Variants in CDC20B observed in about 807,000 individuals in gnomAD.
The protein encoded by CDC20B is cell division cycle protein 20 homolog B.
A neutral mutation model predicts 64.1 loss-of-function variants in CDC20B; 58 were observed. The observed-to-expected ratio is 0.90, with a 90% CI of 0.73 to 1.13. CDC20B has a LOEUF of 1.13. CDC20B is among the 50% of genes most tolerant of loss of function. The pLI is 0.00. For missense variants in CDC20B, 597 were observed against 633.0 expected, an observed-to-expected ratio of 0.94 and a Z score of 0.61; for synonymous variants, 243 against 230.6, an observed-to-expected ratio of 1.05 and a Z score of -0.49.
chr5:55,166,643 T>A (rs1744403970), intron 2 of CDC20B: 1 of 152,208 alleles, frequency 6.6e-6, no homozygotes, highest in African/African-American at 2.4e-5. Context: ...TTTCCTATAT[T>A]GGACAATCTT....
In CDC20B at chr5:55,146,503, G is replaced by C. The variant is rs1002598463; in HGVS notation, c.355+125C>G. 7 of 650,876 alleles carry C rather than the reference G, an allele frequency of 1.1e-5. No homozygotes were observed. In the East Asian group the frequency reaches 2.0e-4, roughly 18 times the overall value. The allele number at this position is 650,876 out of a possible 1,614,324, so 40.3% of individuals were successfully genotyped here. A position where few individuals can be genotyped will look rare whatever the true frequency, so the allele number is the denominator to read the frequency against. On this transcript the variant is annotated intron_variant, in intron 3 of 11. Transcript: ENST00000381375. ...CCACCTTGGAAATTTCTTATTCAAA[G>C]GGAGAAAAAGAGAAAAGAGTTGACT...
At chr5:55,119,616 T>A (rs1742708159) in intron 11 of CDC20B, among the ~76,000 whole-genome samples, 185 bp downstream of exon 11, 1 of 152,198 alleles carries the variant, frequency 6.6e-6, no homozygotes. Context: ...ATGAACAATC[T>A]TAGGCAAATT....
rs925510058 is a variant in CDC20B, at chr5:55,118,886, G to A, written c.1459+915C>T. ...AATATTCTCAGAATCTCCAAAGAGA[G>A]TCATGGTATTATCACTACCTAACAT... On this transcript the variant is annotated intron_variant, in intron 11 of 11. Transcript: ENST00000381375. Among the ~76,000 whole-genome samples the A allele has an allele frequency of 3.9e-5, 6 of 152,296 alleles. No individual in the cohort carries two copies. In the East Asian group the frequency reaches 1.2e-3, roughly 29 times the overall value.
intron 2 of CDC20B, among the ~76,000 whole-genome samples, chr5:55,158,941 G>A (rs1743901232): frequency 6.6e-6 from 1 of 152,034 alleles, no homozygotes; most frequent in Non-Finnish European, 1.5e-5. Context: ...TTGTTTTCAG[G>A]GATTTTTTTT....
chr5:55,153,837 T>C (rs1743740147), intron 2 of CDC20B, among the ~76,000 whole-genome samples: 1 of 152,176 alleles, frequency 6.6e-6, no homozygotes, highest in African/African-American at 2.4e-5. Flanking sequence ...TTTTTCTTCA[T>C]TGCACAGGCA....
chr5:55,140,969 A>G (rs1414904337), intron 4 of CDC20B, among the ~76,000 whole-genome samples: 1 of 152,254 alleles, frequency 6.6e-6, no homozygotes. Context: ...CTAAAAACAT[A>G]GTGATAAATG....
intron 2 of CDC20B, among the ~76,000 whole-genome samples, chr5:55,159,088 C>T (rs1743907144): frequency 6.6e-6 from 1 of 152,196 alleles, no homozygotes; most frequent in African/African-American, 2.4e-5. Flanking sequence ...ACAAACACGA[C>T]TCACTGCAGC....
At chr5:55,167,894 C>T (rs336114) in intron 2 of CDC20B, among the ~76,000 whole-genome samples, 33,857 of 151,590 alleles carry the variant, frequency 0.22, 4,420 homozygotes, top group Middle Eastern at 0.4. Flanking sequence ...TAGCCAGGTG[C>T]GGTAGCACAC....
chr5:55,147,930 C>A (rs1424263762), intron 2 of CDC20B, among the ~76,000 whole-genome samples: 1 of 152,188 alleles, frequency 6.6e-6, no homozygotes, highest in Non-Finnish European at 1.5e-5. Context: ...CAACATCTGT[C>A]CATCTTCTCT....
chr5:55,167,995 T>C (rs1266955297), intron 2 of CDC20B, among the ~76,000 whole-genome samples: 2 of 152,118 alleles, frequency 1.3e-5, no homozygotes, highest in Non-Finnish European at 2.9e-5. Flanking sequence ...TTGCACCACA[T>C]TGATTTGTGG....
At chr5:55,115,431 ATC>A (rs1742599959) in intron 11 of CDC20B, among the ~76,000 whole-genome samples, 1 of 152,230 alleles carries the variant, frequency 6.6e-6, no homozygotes, top group South Asian at 2.1e-4. Context: ...TCTCAGATTT[ATC>A]TGACCACAGA....
chr5:55,128,396 G>C (rs761613699), intron 7 of CDC20B, 25 bp downstream of exon 7: 1 of 1,539,370 alleles, frequency 6.5e-7, no homozygotes, highest in Non-Finnish European at 8.7e-7. Context: ...AGAACATGAT[G>C]AGAAAAAAAA....
chr5:55,159,254 T>A (rs1580364385), intron 2 of CDC20B, among the ~76,000 whole-genome samples: 1 of 152,336 alleles, frequency 6.6e-6, no homozygotes, highest in Non-Finnish European at 1.5e-5. Flanking sequence ...TGGGCTCAAG[T>A]GATCCTCCCA....
chr5:55,123,670 C>T (rs1742809255), intron 9 of CDC20B, among the ~76,000 whole-genome samples: 1 of 152,216 alleles, frequency 6.6e-6, no homozygotes. Flanking sequence ...TAGTTCACTG[C>T]ATCAGATTTT....
At chr5:55,163,201 T>C (rs1000204806) in intron 2 of CDC20B, among the ~76,000 whole-genome samples, 1 of 152,110 alleles carries the variant, frequency 6.6e-6, no homozygotes, top group African/African-American at 2.4e-5. Context: ...AAATCTACAT[T>C]TCTTACATAA....
chr5:55,133,290 C>T (rs369502428), intron 6 of CDC20B, 122 bp downstream of exon 6: 163 of 472,188 alleles, frequency 3.5e-4, no homozygotes, highest in South Asian at 3.1e-3. Context: ...TATTTGGATG[C>T]TACACTATTT....
chr5:55,122,810 C>CTT (rs1217695261), intron 9 of CDC20B, among the ~76,000 whole-genome samples: 2 of 152,160 alleles, frequency 1.3e-5, no homozygotes, highest in African/African-American at 4.8e-5. Context: ...AGGAGCATGC[C>CTT]CAGGCAGCTG....
chr5:55,162,656 T>TGAATAA (rs750139154), intron 2 of CDC20B, among the ~76,000 whole-genome samples: 4 of 152,258 alleles, frequency 2.6e-5, no homozygotes, highest in Non-Finnish European at 5.9e-5. Context: ...GCAACCACAG[T>TGAATAA]GAGGTCTTTA....
At chr5:55,126,044 C>T (rs1417200698) in intron 8 of CDC20B, among the ~76,000 whole-genome samples, 1 of 152,182 alleles carries the variant, frequency 6.6e-6, no homozygotes, top group African/African-American at 2.4e-5. Context: ...AAAGGATCTG[C>T]TCATTTTCCT....
Sources: allele counts gnomAD v4.1 joint callset (sites outside exome capture counted in the v4.1 genomes callset), GRCh38; gene constraint gnomAD v4.1.1; transcripts MANE v1.5; gene names NCBI Gene and HGNC (gene_info 2026-07-23, HGNC 2026-07-21).